Variants in IGSF11 observed in about 807,000 individuals in gnomAD.
The protein encoded by IGSF11 is CXADR like 1.
In IGSF11, 22 loss-of-function variants were observed where a neutral mutation model predicts 41.0. The ratio of observed to expected loss-of-function variants is 0.54; its 90% CI spans 0.38 to 0.77. The LOEUF is 0.77. Ranked by LOEUF, IGSF11 falls within the 30% of genes least tolerant of loss-of-function variation. The pLI, the probability that IGSF11 is intolerant of heterozygous loss-of-function variation, is 0.00. For synonymous variants in IGSF11, 219 were observed against 201.3 expected (o/e 1.09, Z -0.74); for missense variants, 444 against 530.8 (o/e 0.84, Z 1.61).
chr3:119,137,594 T>TACAAACTA (rs1286104082), intron 1 of IGSF11, among the ~76,000 whole-genome samples: 1 of 152,068 alleles, frequency 6.6e-6, no homozygotes, highest in Non-Finnish European at 1.5e-5. Context: ...AATCTAAGAC[T>TACAAACTA]ACAAACTATG....
At chr3:118,921,443 A>C (rs1309208214) in intron 4 of IGSF11, among the ~76,000 whole-genome samples, 2 of 152,188 alleles carry the variant, frequency 1.3e-5, no homozygotes, top group Non-Finnish European at 2.9e-5. Context: ...TTAGGAATGA[A>C]AAGGAGACTA....
intron 1 of IGSF11, among the ~76,000 whole-genome samples, chr3:119,070,288 A>G (rs1274067594): frequency 6.6e-6 from 1 of 152,246 alleles, no homozygotes; most frequent in African/African-American, 2.4e-5. Flanking sequence ...AGGGCTTACC[A>G]CTTTTCCTGG....
intron 1 of IGSF11, among the ~76,000 whole-genome samples, chr3:119,098,390 T>C (rs542284775): frequency 6.6e-6 from 1 of 152,330 alleles, no homozygotes; most frequent in Non-Finnish European, 1.5e-5. Flanking sequence ...TATGTGTTAC[T>C]ATGTCTTATA....
At position 119,007,849 on chromosome 3, in the gene IGSF11, C is replaced by G. The variant is rs140352956; in HGVS notation, c.52+26682G>C. Among the ~76,000 whole-genome samples the G allele has an allele frequency of 2.3e-4, 35 of 152,288 alleles. No individual in the cohort carries two copies. The East Asian group carries it at 6.4e-3, about 28-fold the overall frequency. ...TCATGCTTCCTCCTTTATCATATTT[C>G]TTTCCTTTTTCTAGTCAAGCTGCCT... On this transcript the variant is annotated intron_variant, in intron 1 of 6. Coordinates refer to ENST00000393775, the MANE Select transcript of IGSF11 (RefSeq NM_001015887.3).
intron 1 of IGSF11, among the ~76,000 whole-genome samples, chr3:118,968,330 C>T (rs1418078033): frequency 1.3e-5 from 2 of 152,086 alleles, no homozygotes; most frequent in Non-Finnish European, 2.9e-5. Context: ...CTCTTGCCTG[C>T]TTTGGGTCCC....
At chr3:119,064,593 T>C (rs912060299) in intron 1 of IGSF11, among the ~76,000 whole-genome samples, 1 of 150,596 alleles carries the variant, frequency 6.6e-6, no homozygotes, top group South Asian at 2.1e-4. Flanking sequence ...GGATTTTGAC[T>C]GGGGTTGTAC....
chr3:119,081,111 C>G (rs190843337), intron 1 of IGSF11, among the ~76,000 whole-genome samples: 43 of 152,224 alleles, frequency 2.8e-4, no homozygotes, highest in Middle Eastern at 3.4e-3. Flanking sequence ...GCTGATTGAG[C>G]ATTTGACTGT....
At chr3:119,100,929 C>T (rs1440906316) in intron 1 of IGSF11, among the ~76,000 whole-genome samples, 1 of 152,152 alleles carries the variant, frequency 6.6e-6, no homozygotes, top group East Asian at 1.9e-4. Flanking sequence ...AGGGATGAAT[C>T]CTGAGGACAG....
chr3:118,987,190 A>G (rs1354772912), intron 1 of IGSF11, among the ~76,000 whole-genome samples: 1 of 152,230 alleles, frequency 6.6e-6, no homozygotes, highest in Non-Finnish European at 1.5e-5. Flanking sequence ...ATAAAGAGGT[A>G]CAAGGCTCAG....
At chr3:119,045,587 A>T (rs1250495022) in intron 1 of IGSF11, among the ~76,000 whole-genome samples, 1 of 152,062 alleles carries the variant, frequency 6.6e-6, no homozygotes, top group South Asian at 2.1e-4. Flanking sequence ...ACCATTGCCC[A>T]GGCTTGCTTA....
At chr3:118,997,565 T>A in intron 1 of IGSF11, among the ~76,000 whole-genome samples, 1 of 62,892 alleles carries the variant, frequency 1.6e-5, no homozygotes, top group Admixed American at 2.4e-4. Context: ...CCCGGCTCCC[T>A]GATGTCCTCA....
intron 4 of IGSF11, among the ~76,000 whole-genome samples, chr3:118,915,276 G>A (rs1327746789): frequency 2.2e-5 from 3 of 135,342 alleles, no homozygotes; most frequent in Non-Finnish European, 4.7e-5. Flanking sequence ...GACGAGCTGA[G>A]AGAAGAAGGC....
At chr3:118,924,999 A>G (rs1311536789) in intron 4 of IGSF11, among the ~76,000 whole-genome samples, 1 of 152,202 alleles carries the variant, frequency 6.6e-6, no homozygotes, top group Non-Finnish European at 1.5e-5. Flanking sequence ...AAAAGCAGCT[A>G]TTTAGCCAAC....
intron 1 of IGSF11, among the ~76,000 whole-genome samples, chr3:119,010,529 G>T (rs1937993128): frequency 6.6e-6 from 1 of 152,130 alleles, no homozygotes; most frequent in Admixed American, 6.5e-5. Context: ...GCCATTTAGG[G>T]CCGAAATAAA....
At chr3:119,088,777 A>G (rs1421621406) in intron 1 of IGSF11, among the ~76,000 whole-genome samples, 2 of 152,192 alleles carry the variant, frequency 1.3e-5, no homozygotes, top group African/African-American at 2.4e-5. Flanking sequence ...AACTGATCCC[A>G]CAGAAATACA....
chr3:119,113,124 A>G (rs2077206401), intron 1 of IGSF11, among the ~76,000 whole-genome samples: 1 of 152,206 alleles, frequency 6.6e-6, no homozygotes, highest in Non-Finnish European at 1.5e-5. Context: ...CACCTCCTCT[A>G]ACACTGGGGA....
intron 4 of IGSF11, among the ~76,000 whole-genome samples, chr3:118,917,692 G>A (rs1472888420): frequency 8.0e-5 from 11 of 137,098 alleles, no homozygotes; most frequent in Admixed American, 7.5e-4. Flanking sequence ...GGAGGAACTG[G>A]TACCATTCCT....
chr3:119,007,221 G>A (rs1474734692), intron 1 of IGSF11, among the ~76,000 whole-genome samples: 1 of 146,042 alleles, frequency 6.8e-6, no homozygotes, highest in Admixed American at 6.8e-5. Flanking sequence ...GGAGTGACCC[G>A]ATTTTCCAGG....
At chr3:119,044,769 A>G (rs1394657583) in intron 1 of IGSF11, among the ~76,000 whole-genome samples, 1 of 152,244 alleles carries the variant, frequency 6.6e-6, no homozygotes, top group Non-Finnish European at 1.5e-5. Context: ...TAAACAAAAT[A>G]ATTATCAGCC....
Sources: allele counts gnomAD v4.1 joint callset (sites outside exome capture counted in the v4.1 genomes callset), GRCh38; gene constraint gnomAD v4.1.1; transcripts MANE v1.5; gene names NCBI Gene and HGNC (gene_info 2026-07-23, HGNC 2026-07-21).